The following WASF3 variants were observed in gnomAD, a reference collection of about 807,000 sequenced individuals.
WASF3 encodes the protein actin-binding protein WASF3.
WASF3 carries 11 observed loss-of-function variants against 46.6 expected under a neutral mutation model. The observed-to-expected ratio is 0.24, with a 90% CI of 0.15 to 0.39. The LOEUF is 0.39. WASF3 is among the 10% of genes least tolerant of loss of function. The pLI, the probability that WASF3 is intolerant of heterozygous loss-of-function variation, is 1.00. For missense variants in WASF3, 576 were observed against 669.8 expected, an observed-to-expected ratio of 0.86 and a Z score of 1.55; for synonymous variants, 242 against 259.7, an observed-to-expected ratio of 0.93 and a Z score of 0.65.
chr13:26,577,403 C>T (rs1009059464), intron 1 of WASF3: 24 of 774,792 alleles, frequency 3.1e-5, no homozygotes, highest in East Asian at 1.5e-4. Flanking sequence ...AATCAAGACC[C>T]GGGAGGTGCA....
At chr13:26,549,096 C>T in the WASF3 span, among the ~76,000 whole-genome samples, 1 of 151,884 alleles carries the variant, frequency 6.6e-6, no homozygotes, top group African/African-American at 2.4e-5. Context: ...ATTCTCCTGC[C>T]TCAGCCTCCC....
chr13:26,614,931 G>A (rs1881084713), intron 2 of WASF3, among the ~76,000 whole-genome samples: 1 of 121,014 alleles, frequency 8.3e-6, no homozygotes, highest in African/African-American at 3.3e-5. Context: ...GCTTTTTGTA[G>A]AAGCGCTGTC....
chr13:26,685,745 T>C lies in WASF3; in HGVS notation c.1409T>C (p.Val470Ala), dbSNP rs745588246. Reference protein sequence around the residue: ...QREQEAKREPVGNDVATILSR... With the variant: ...QREQEAKREPAGNDVATILSR... ...GAGCAGGAGGCCAAGCGGGAGCCAG[T>C]GGGGAATGACGTGGCCACGATCCTG... The change falls in exon 10 of 10, where the codon GTG (valine) becomes GCG (alanine). Residue 470 changes from valine to alanine, a missense_variant. Val to Ala is a moderately conservative substitution (Grantham distance 64). Coordinates refer to ENST00000335327, the MANE Select transcript of WASF3 (RefSeq NM_006646.6). 1.2e-6 allele frequency: 2 copies of C among 1,613,952 alleles called. No homozygotes were observed.
chr13:26,682,507 C>A lies in WASF3; in HGVS notation c.984-100C>A. Reference sequence around the variant, plus strand: ...CATGATTGAAGTTCAGGTGACAATACGTGTTGTGTCTGGGGATGGCTCCGT... The same window carrying A: ...CATGATTGAAGTTCAGGTGACAATAAGTGTTGTGTCTGGGGATGGCTCCGT... On this transcript the variant is annotated intron_variant, in intron 8 of 9. Coordinates refer to ENST00000335327, the MANE Select transcript of WASF3 (RefSeq NM_006646.6). This position sits in a 1 kb window ranked among gnomAD's most constrained non-coding sequence, Gnocchi z 4.4. The A allele has an allele frequency of 7.1e-7, 1 of 1,400,416 alleles. No homozygotes were observed. The highest frequency in any genetic ancestry group is 9.9e-7 in the Non-Finnish European group (1 of 1,006,928). The allele number at this position is 1,400,416 out of a possible 1,614,324, so 86.7% of individuals were successfully genotyped here. A position where few individuals can be genotyped will look rare whatever the true frequency, so the allele number is the denominator to read the frequency against.
intron 1 of WASF3, among the ~76,000 whole-genome samples, chr13:26,577,850 A>T (rs1879848737): frequency 6.6e-6 from 1 of 152,216 alleles, no homozygotes; most frequent in South Asian, 2.1e-4. Flanking sequence ...AGGTTCATGT[A>T]ATCACTACCA....
intron 1 of WASF3, among the ~76,000 whole-genome samples, chr13:26,588,621 T>C (rs986536390): frequency 6.6e-6 from 1 of 152,208 alleles, no homozygotes; most frequent in Non-Finnish European, 1.5e-5. Context: ...TAATTTGATC[T>C]TGTCGAACGT....
At chr13:26,671,146 T>C (rs1200064104) in intron 5 of WASF3, among the ~76,000 whole-genome samples, 3 of 152,234 alleles carry the variant, frequency 2.0e-5, no homozygotes, top group African/African-American at 4.8e-5. Context: ...TGATCATGAC[T>C]TGATTTATAT....
upstream of WASF3, among the ~76,000 whole-genome samples, chr13:26,554,080 C>CT (rs1323423541): frequency 2.2e-3 from 115 of 52,378 alleles, no homozygotes; most frequent in African/African-American, 2.8e-3. Flanking sequence ...TCCTTCCTTC[C>CT]TTCCTTCCTT....
chr13:26,577,469 G>A (rs1392344167), intron 1 of WASF3: 5 of 918,924 alleles, frequency 5.4e-6, no homozygotes, highest in Middle Eastern at 2.2e-4. Flanking sequence ...CATTGGAAAA[G>A]ACATAGAAAA....
At position 26,630,608 on chromosome 13, in the gene WASF3, C is replaced by T. The variant is rs145100277; in HGVS notation, c.-10-11653C>T. Reference sequence around the variant, plus strand: ...AAGTCTTTGCTATTGTGAATAGTGCCGCAGTAAACATACGTGTACATGTGT... The same window carrying T: ...AAGTCTTTGCTATTGTGAATAGTGCTGCAGTAAACATACGTGTACATGTGT... On this transcript the variant is annotated intron_variant, in intron 2 of 9. Transcript: ENST00000335327. 1.6e-3 allele frequency among the ~76,000 whole-genome samples: 244 copies of T among 152,204 alleles called. 1 individual carries two copies. The highest frequency in any genetic ancestry group is 5.7e-3 in the African/African-American group (237 of 41,522).
At chr13:26,565,480 T>C (rs1488201359) in intron 1 of WASF3, among the ~76,000 whole-genome samples, 1 of 152,198 alleles carries the variant, frequency 6.6e-6, no homozygotes, top group Non-Finnish European at 1.5e-5. Context: ...GTTTTCAATA[T>C]AAATGTAAAA....
intron 6 of WASF3, among the ~76,000 whole-genome samples, chr13:26,674,973 T>C (rs760902170): frequency 2.0e-5 from 3 of 152,226 alleles, no homozygotes; most frequent in Non-Finnish European, 2.9e-5. Context: ...TTATCTTCTG[T>C]GAATTTCATG....
rs1883462897 is a variant in WASF3, at chr13:26,687,919, C to T, written c.*2074C>T. On this transcript the variant is annotated 3_prime_UTR_variant, in exon 10 of 10. Coordinates refer to ENST00000335327, the MANE Select transcript of WASF3 (RefSeq NM_006646.6). The stretch of plus-strand genomic sequence containing the variant: ...TTCTGTTCTCAGGATGGAGAGAACA[C>T]AGAAGCTACTATCCATGTCAGGATT... 2.0e-5 allele frequency: 3 copies of T among 152,078 alleles called. No homozygotes were observed. Among genetic ancestry groups the T allele is most frequent in the Admixed American group, 1.3e-4 (2 of 15,282 alleles). The allele number at this position is 152,078 out of a possible 1,614,324, so 9.4% of individuals were successfully genotyped here. A position where few individuals can be genotyped will look rare whatever the true frequency, so the allele number is the denominator to read the frequency against.
the WASF3 span, among the ~76,000 whole-genome samples, chr13:26,546,930 A>G: frequency 8.5e-5 from 13 of 152,268 alleles, no homozygotes; most frequent in South Asian, 2.5e-3. Flanking sequence ...CATCAAGCTC[A>G]TGCTTTTCAA....
intron 9 of WASF3, among the ~76,000 whole-genome samples, chr13:26,684,645 G>T (rs759751874): frequency 6.6e-6 from 1 of 152,126 alleles, no homozygotes; most frequent in Non-Finnish European, 1.5e-5. Flanking sequence ...GCGAGGCGGG[G>T]GCGGTAACAC....
intron 1 of WASF3, among the ~76,000 whole-genome samples, chr13:26,603,128 G>A (rs549158): frequency 0.014 from 2,101 of 152,312 alleles, 56 homozygotes; most frequent in African/African-American, 0.047. Flanking sequence ...AATAGCTGTG[G>A]AAGTGTGGAG....
intron 1 of WASF3, among the ~76,000 whole-genome samples, chr13:26,603,650 A>T (rs1391863411): frequency 2.6e-5 from 4 of 152,084 alleles, no homozygotes; most frequent in African/African-American, 7.2e-5. Context: ...GCACAGTGAG[A>T]CTCTGTGTCT....
chr13:26,575,367 G>A (rs971003502), intron 1 of WASF3, among the ~76,000 whole-genome samples: 12 of 151,830 alleles, frequency 7.9e-5, no homozygotes, highest in Non-Finnish European at 1.6e-4. Context: ...TAGTTCTACA[G>A]TTAAATACAT....
chr13:26,539,233 C>T, the WASF3 span, among the ~76,000 whole-genome samples: 1 of 151,996 alleles, frequency 6.6e-6, no homozygotes, highest in Non-Finnish European at 1.5e-5. Context: ...GGAACCAGAG[C>T]CAAGGTTAGT....
Sources: gnomAD v4.1 joint callset for allele counts (sites outside exome capture counted in the v4.1 genomes callset) on GRCh38, gnomAD v4.1.1 for gene constraint, Gnocchi (gnomAD v3.1) non-coding constraint, MANE v1.5 for transcripts, NCBI Gene and HGNC (gene_info 2026-07-23, HGNC 2026-07-21) for gene names.